ENTPD7: variants seen among roughly 807,000 people sequenced by gnomAD.
ENTPD7 encodes the protein NTPDase 7.
In ENTPD7, 53 loss-of-function variants were observed where a neutral mutation model predicts 77.9. That is an observed-to-expected ratio of 0.68 (90% CI 0.55 to 0.85). The LOEUF (loss-of-function observed/expected upper bound fraction) is 0.85. Among genes scored for constraint, ENTPD7 ranks in the 40% least tolerant of loss-of-function variants. ENTPD7 has a pLI of 0.00. For missense variants in ENTPD7, 636 were observed against 743.7 expected, an observed-to-expected ratio of 0.86 and a Z score of 1.68; for synonymous variants, 248 against 274.9, an observed-to-expected ratio of 0.90 and a Z score of 0.97.
At chr10:99,674,128 C>G (rs556568645) in intron 3 of ENTPD7, among the ~76,000 whole-genome samples, 24 of 152,074 alleles carry the variant, frequency 1.6e-4, no homozygotes, top group African/African-American at 5.1e-4. Context: ...GAAGCCATGT[C>G]CAAGGAGACA....
At chr10:99,699,868 T>C (rs909441106) in intron 10 of ENTPD7, among the ~76,000 whole-genome samples, 1 of 151,828 alleles carries the variant, frequency 6.6e-6, no homozygotes, top group African/African-American at 2.4e-5. Flanking sequence ...ACCCAGCCTC[T>C]CCTCATATTT....
chr10:99,695,859 A>G, intron 8 of ENTPD7, 97 bp from the exon 9 acceptor site: 1 of 1,096,034 alleles, frequency 9.1e-7, no homozygotes, highest in Non-Finnish European at 1.3e-6. Flanking sequence ...TTTAAAGAGT[A>G]GTCATAGAAA....
chr10:99,697,105 G>A (rs903628001), intron 9 of ENTPD7, among the ~76,000 whole-genome samples: 5 of 152,050 alleles, frequency 3.3e-5, no homozygotes, highest in East Asian at 1.9e-4. Context: ...TTATATTTAC[G>A]GCATGTTGAA....
intron 3 of ENTPD7, among the ~76,000 whole-genome samples, chr10:99,666,841 G>A (rs1392302193): frequency 3.9e-5 from 6 of 152,156 alleles, no homozygotes; most frequent in African/African-American, 1.4e-4. Context: ...AAAACAGAAT[G>A]GTTGTGTGGA....
At chr10:99,679,607 T>A in intron 4 of ENTPD7, 118 bp from the exon 5 acceptor site, 2 of 1,444,946 alleles carry the variant, frequency 1.4e-6, no homozygotes, top group Non-Finnish European at 1.9e-6. Flanking sequence ...ACCCCCTACC[T>A]CTCAAATAAA....
At chr10:99,667,937 T>TC (rs2035571094) in intron 3 of ENTPD7, among the ~76,000 whole-genome samples, 1 of 138,870 alleles carries the variant, frequency 7.2e-6, no homozygotes, top group African/African-American at 2.7e-5. Flanking sequence ...ATCTTTTTTT[T>TC]TTTTTTTTTT....
chr10:99,660,488 G>A, intron 2 of ENTPD7: 1 of 558,610 alleles, frequency 1.8e-6, no homozygotes, highest in South Asian at 1.5e-5. Context: ...AGCAGGTATG[G>A]TGGACTACCA....
intron 3 of ENTPD7, among the ~76,000 whole-genome samples, chr10:99,661,874 TA>T (rs1246865940): frequency 6.6e-6 from 1 of 152,224 alleles, no homozygotes; most frequent in Non-Finnish European, 1.5e-5. Flanking sequence ...ATTGTGTGTA[TA>T]AATGTTTAGG....
chr10:99,676,182 T>C (rs1229174514), intron 3 of ENTPD7, among the ~76,000 whole-genome samples: 1 of 152,178 alleles, frequency 6.6e-6, no homozygotes, highest in Non-Finnish European at 1.5e-5. Context: ...TATAAAACAA[T>C]GCCACTCTTC....
intron 3 of ENTPD7, among the ~76,000 whole-genome samples, chr10:99,678,101 T>C (rs2035707200): frequency 6.6e-6 from 1 of 152,162 alleles, no homozygotes; most frequent in South Asian, 2.1e-4. Flanking sequence ...AACTTGGTGG[T>C]AGGTACACAG....
At chr10:99,696,150 T>C (rs2035971549) in intron 9 of ENTPD7, 28 bp downstream of exon 9, 1 of 1,609,324 alleles carries the variant, frequency 6.2e-7, no homozygotes, top group Non-Finnish European at 8.5e-7. Flanking sequence ...TCTGAGTTTC[T>C]GAAATATAAT....
At chr10:99,703,895 G>T (rs920199995) in intron 12 of ENTPD7, among the ~76,000 whole-genome samples, 14 of 151,952 alleles carry the variant, frequency 9.2e-5, no homozygotes, top group Admixed American at 3.9e-4. Context: ...CTAATTTTTT[G>T]ATTTTTCTTT....
rs1462810763 is a variant in ENTPD7 at position 99,708,663 on chromosome 10, CT to C, written c.*3981del. On this transcript the variant is annotated 3_prime_UTR_variant, in exon 13 of 13. Coordinates refer to ENST00000370489, the MANE Select transcript of ENTPD7 (RefSeq NM_020354.5). Reference sequence around the variant, plus strand: ...GAGCCTCCTATTTTATCCATAACCCCTGATGATAAGGTTGGTGGGAACAGAG... The same window carrying C: ...GAGCCTCCTATTTTATCCATAACCCCGATGATAAGGTTGGTGGGAACAGAG... The C allele has an allele frequency of 3.7e-6, 1 of 268,438 alleles. No homozygotes were observed. The highest frequency in any genetic ancestry group is 5.7e-6 in the Non-Finnish European group (1 of 174,572). 16.6% of individuals were successfully genotyped at this position (268,438 alleles called of 1,614,324 possible).
At chr10:99,685,506 A>G (rs1448724971) in intron 5 of ENTPD7, among the ~76,000 whole-genome samples, 1 of 152,220 alleles carries the variant, frequency 6.6e-6, no homozygotes, top group Non-Finnish European at 1.5e-5. Flanking sequence ...TGAGAGTCAT[A>G]GAACCGTAGT....
intron 9 of ENTPD7, chr10:99,697,879 A>C (rs2036018215): frequency 6.5e-6 from 1 of 153,658 alleles, no homozygotes; most frequent in African/African-American, 2.4e-5. Context: ...CATACTCATC[A>C]TTTTGAGGAA....
chr10:99,660,580 A>C, intron 2 of ENTPD7: 1 of 281,774 alleles, frequency 3.5e-6, no homozygotes, highest in Non-Finnish European at 7.2e-6. Context: ...ATTACTGTAA[A>C]TATATTGGTG....
At chr10:99,671,882 G>GGTAC (rs1463757100) in intron 3 of ENTPD7, among the ~76,000 whole-genome samples, 10 of 152,294 alleles carry the variant, frequency 6.6e-5, no homozygotes, top group Admixed American at 2.6e-4. Context: ...CAATTGGCTT[G>GGTAC]GTACTGGCCT....
chr10:99,673,944 C>T (rs530085021), intron 3 of ENTPD7, among the ~76,000 whole-genome samples: 1 of 152,290 alleles, frequency 6.6e-6, no homozygotes, highest in South Asian at 2.1e-4. Flanking sequence ...TCTTGAGAAA[C>T]TTATGGTCTA....
chr10:99,673,193 G>A (rs183740247), intron 3 of ENTPD7, among the ~76,000 whole-genome samples: 2 of 152,206 alleles, frequency 1.3e-5, no homozygotes, highest in South Asian at 4.1e-4. Flanking sequence ...CAAGGCTTTT[G>A]AGACTTTTCT....
Sources: gnomAD v4.1 joint callset for allele counts (sites outside exome capture counted in the v4.1 genomes callset) on GRCh38, gnomAD v4.1.1 for gene constraint, MANE v1.5 for transcripts, NCBI Gene and HGNC (gene_info 2026-07-23, HGNC 2026-07-21) for gene names.